Variants in LRRFIP1 observed in about 807,000 individuals in gnomAD.
LRRFIP1 encodes LRR binding FLII interacting protein 1.
In LRRFIP1, 62 loss-of-function variants were observed where a neutral mutation model predicts 104.4. That is an observed-to-expected ratio of 0.59 (90% CI 0.48 to 0.73). The LOEUF (loss-of-function observed/expected upper bound fraction) is 0.73. Ranked by LOEUF, LRRFIP1 falls within the 30% of genes least tolerant of loss-of-function variation. The pLI, the probability that LRRFIP1 is intolerant of heterozygous loss-of-function variation, is 0.00. For missense variants in LRRFIP1, 796 were observed against 824.5 expected, an observed-to-expected ratio of 0.97 and a Z score of 0.42; for synonymous variants, 300 against 299.0, an observed-to-expected ratio of 1.00 and a Z score of -0.03.
chr2:237,691,928 T>C lies in LRRFIP1; in HGVS notation c.97-16616T>C, dbSNP rs1298729183. ...CGCGGGGGGCGGGGCGGGGCTCGCG[T>C]TAAGGGAGCGCGGAAGGGCGGGACA... On this transcript the variant is annotated intron_variant, in intron 1 of 23. Coordinates refer to ENST00000308482, the MANE Select transcript of LRRFIP1 (RefSeq NM_001137550.2). This position sits in a 1 kb window ranked among gnomAD's most constrained non-coding sequence, Gnocchi z 5.4. Among the ~76,000 whole-genome samples, 2 of 119,264 alleles carry C rather than the reference T, an allele frequency of 1.7e-5. No homozygotes were observed. The allele number at this position is 119,264 out of a possible 152,430, so 78.2% of individuals were successfully genotyped here.
chr2:237,729,809 C>T (rs2094922795), intron 8 of LRRFIP1: 5 of 985,286 alleles, frequency 5.1e-6, no homozygotes, highest in Admixed American at 6.1e-5. Context: ...ACAGCAGATT[C>T]TCTACTTTGT....
At chr2:237,714,671 G>C (rs1289735530) in intron 3 of LRRFIP1, among the ~76,000 whole-genome samples, 1 of 152,214 alleles carries the variant, frequency 6.6e-6, no homozygotes, top group Non-Finnish European at 1.5e-5. Flanking sequence ...ACCACACATT[G>C]AGAGATTATT....
chr2:237,687,497 A>G (rs2092457724), intron 1 of LRRFIP1, among the ~76,000 whole-genome samples: 2 of 151,318 alleles, frequency 1.3e-5, no homozygotes, highest in Admixed American at 6.6e-5. Flanking sequence ...CCAGCTACTC[A>G]GGAGGCTAAG....
chr2:237,705,865 G>C (rs934749468), intron 1 of LRRFIP1, among the ~76,000 whole-genome samples: 1 of 152,328 alleles, frequency 6.6e-6, no homozygotes, highest in African/African-American at 2.4e-5. Context: ...TCAGCCAGGG[G>C]CTGCTCTCAG....
intron 2 of LRRFIP1, among the ~76,000 whole-genome samples, chr2:237,712,891 C>T (rs2094168241): frequency 6.6e-6 from 1 of 152,166 alleles, no homozygotes; most frequent in Non-Finnish European, 1.5e-5. Flanking sequence ...GCTTGGGGCA[C>T]TGGCATTTTA....
intron 1 of LRRFIP1, among the ~76,000 whole-genome samples, chr2:237,669,454 C>T (rs751967930): frequency 1.1e-4 from 17 of 152,158 alleles, no homozygotes; most frequent in Non-Finnish European, 2.4e-4. Flanking sequence ...ATCGTCAAAA[C>T]GTGTCTTAGA....
chr2:237,770,494 C>G (rs1460783567), intron 20 of LRRFIP1: 1 of 157,950 alleles, frequency 6.3e-6, no homozygotes, highest in East Asian at 1.8e-4. Context: ...TTGCTCTCTC[C>G]TACCTCAAGA....
chr2:237,630,130 T>C lies in LRRFIP1; in HGVS notation c.96+2390T>C, dbSNP rs573873076. 1.6e-4 allele frequency among the ~76,000 whole-genome samples: 24 copies of C among 152,292 alleles called. 2 individuals carry two copies. Among genetic ancestry groups the C allele is most frequent in the Admixed American group, 1.6e-3 (24 of 15,298 alleles). On this transcript the variant is annotated intron_variant, in intron 1 of 23. Coordinates refer to ENST00000308482, the MANE Select transcript of LRRFIP1 (RefSeq NM_001137550.2). ...CCTCCCGGTAAAACCCAGCCGTAGGTGCAGCTGTTACTAGTGCTGAGTAGC... is the reference window on the plus strand; with the variant it reads ...CCTCCCGGTAAAACCCAGCCGTAGGCGCAGCTGTTACTAGTGCTGAGTAGC...
chr2:237,744,420 G>A (rs1436268895), intron 11 of LRRFIP1, among the ~76,000 whole-genome samples: 1 of 152,168 alleles, frequency 6.6e-6, no homozygotes, highest in African/African-American at 2.4e-5. Context: ...GTGAACAGGT[G>A]CCACATATTC....
intron 1 of LRRFIP1, among the ~76,000 whole-genome samples, chr2:237,667,824 G>A (rs944131140): frequency 2.6e-5 from 4 of 150,976 alleles, no homozygotes; most frequent in South Asian, 2.1e-4. Flanking sequence ...CCCAGCCCCC[G>A]AGCCCTGTAG....
intron 3 of LRRFIP1, among the ~76,000 whole-genome samples, chr2:237,714,949 C>G (rs1272381569): frequency 6.6e-6 from 1 of 152,224 alleles, no homozygotes; most frequent in Admixed American, 6.5e-5. Context: ...ACACGGGAGT[C>G]TTTCCCATAA....
intron 19 of LRRFIP1, chr2:237,764,406 A>G: frequency 7.2e-7 from 1 of 1,390,586 alleles, no homozygotes. Flanking sequence ...AATAATGTCT[A>G]CTGTTTATAG....
chr2:237,632,980 G>A (rs1575008380), intron 1 of LRRFIP1, among the ~76,000 whole-genome samples: 1 of 152,190 alleles, frequency 6.6e-6, no homozygotes, highest in Non-Finnish European at 1.5e-5. Context: ...TCTGAGGCTG[G>A]CCAGCAGATT....
chr2:237,770,186 C>T (rs2060499946), intron 20 of LRRFIP1, 194 bp downstream of exon 20: 3 of 577,068 alleles, frequency 5.2e-6, no homozygotes, highest in Non-Finnish European at 9.4e-6. Flanking sequence ...AGAGAACATC[C>T]TGAGTCATAT....
intron 1 of LRRFIP1, among the ~76,000 whole-genome samples, chr2:237,697,648 TTC>T (rs2093278372): frequency 6.6e-6 from 1 of 152,220 alleles, no homozygotes; most frequent in Non-Finnish European, 1.5e-5. Context: ...TTCAGCCTTC[TTC>T]TCAGAGGAAA....
intron 22 of LRRFIP1, chr2:237,774,035 C>T (rs967191242): frequency 7.4e-6 from 2 of 268,810 alleles, no homozygotes; most frequent in Middle Eastern, 1.3e-3. Flanking sequence ...CCCTTACCAG[C>T]ACCATTCTGC....
At position 237,753,468 on chromosome 2, in the gene LRRFIP1, G is replaced by C. The variant is rs201407071; in HGVS notation, c.1027G>C (p.Glu343Gln). Residue 343 changes from glutamate to glutamine, a missense_variant, in exon 15 of 24, where the codon GAG becomes CAG. Transcript: ENST00000308482. ...GGCTGAATCTAGGCGGCAGTACGAA[G>C]AGAAAAACAAAGTAAGCATTAGTAT... ...QLAESRRQYE[E>Q]KNKEFEREKH... The C allele has an allele frequency of 6.3e-7, 1 of 1,586,724 alleles. No individual in the cohort carries two copies. Among genetic ancestry groups the C allele is most frequent in the Admixed American group, 2.0e-5 (1 of 50,046 alleles).
chr2:237,733,520 G>T (rs2095106445), intron 8 of LRRFIP1, among the ~76,000 whole-genome samples: 1 of 152,170 alleles, frequency 6.6e-6, no homozygotes, highest in African/African-American at 2.4e-5. Flanking sequence ...GACTAGAAAT[G>T]ATCGTGTTTT....
intron 1 of LRRFIP1, among the ~76,000 whole-genome samples, chr2:237,674,311 C>T (rs368212961): frequency 6.6e-6 from 1 of 152,180 alleles, no homozygotes; most frequent in Non-Finnish European, 1.5e-5. Flanking sequence ...AGCCTGCGCC[C>T]GCAGATGAGC....
Sources: allele counts gnomAD v4.1 joint callset (sites outside exome capture counted in the v4.1 genomes callset), GRCh38; gene constraint gnomAD v4.1.1; non-coding constraint Gnocchi (gnomAD v3.1); transcripts MANE v1.5; gene names NCBI Gene and HGNC (gene_info 2026-07-23, HGNC 2026-07-21).